PRKG1: variants seen among roughly 807,000 people sequenced by gnomAD.
PRKG1 encodes cGMP-dependent protein kinase 1.
PRKG1 carries 35 observed loss-of-function variants against 88.1 expected under a neutral mutation model. That is an observed-to-expected ratio of 0.40 (90% CI 0.30 to 0.53). The LOEUF is 0.53. Ranked by LOEUF, PRKG1 falls within the 20% of genes least tolerant of loss-of-function variation. The pLI, the probability that PRKG1 is intolerant of heterozygous loss-of-function variation, is 0.59. For synonymous variants in PRKG1, 303 were observed against 292.5 expected, an observed-to-expected ratio of 1.04 and a Z score of -0.37; for missense variants, 540 against 839.8, an observed-to-expected ratio of 0.64 and a Z score of 4.41.
chr10:51,337,639 A>G (rs1370196332), intron 2 of PRKG1, among the ~76,000 whole-genome samples: 2 of 152,190 alleles, frequency 1.3e-5, no homozygotes, highest in African/African-American at 4.8e-5. Flanking sequence ...GCCCACAAAC[A>G]TATGAAAAAA....
chr10:51,711,134 C>A lies in PRKG1; in HGVS notation c.593-93451C>A, dbSNP rs778020329. Among the ~76,000 whole-genome samples the A allele has an allele frequency of 3.0e-4, 45 of 152,050 alleles. 1 individual carries two copies. The highest frequency in any genetic ancestry group is 4.6e-4 in the Non-Finnish European group (31 of 68,016). On this transcript the variant is annotated intron_variant, in intron 3 of 17. Coordinates refer to ENST00000373980, the MANE Select transcript of PRKG1 (RefSeq NM_006258.4). ...TTTTTAATTTTTTTTGAGATGGAGTCTCGCTCTGTCACCCAGGCTGGAGTG... is the reference window on the plus strand; with the variant it reads ...TTTTTAATTTTTTTTGAGATGGAGTATCGCTCTGTCACCCAGGCTGGAGTG...
In PRKG1 at chr10:51,327,361, G is replaced by A. The variant is rs539409867; in HGVS notation, c.479-140362G>A. ...GAACTCGGGAGGCAGAGGTCTCAGT[G>A]AGCCAGGATCGCACCACTGTACTCC... On this transcript the variant is annotated intron_variant, in intron 2 of 17. Transcript: ENST00000373980. Among the ~76,000 whole-genome samples the A allele has an allele frequency of 8.0e-5, 12 of 150,300 alleles. No homozygotes were observed. In the East Asian group the frequency reaches 2.0e-3, roughly 24 times the overall value.
chr10:52,057,188 C>A lies in PRKG1; in HGVS notation c.840+2627C>A, dbSNP rs1188938341. 1.3e-5 allele frequency among the ~76,000 whole-genome samples: 2 copies of A among 152,198 alleles called. 1 individual carries two copies. Among genetic ancestry groups the A allele is most frequent in the South Asian group, 4.1e-4 (2 of 4,830 alleles). ...CTGCCAAGCTACAAATGAAATTCCC[C>A]TTGTTCAGTTCCACTTATTTAAGTG... On this transcript the variant is annotated intron_variant, in intron 6 of 17. Transcript: ENST00000373980.
intron 3 of PRKG1, among the ~76,000 whole-genome samples, chr10:51,480,759 A>T (rs541703646): frequency 6.6e-6 from 1 of 152,182 alleles, no homozygotes; most frequent in Non-Finnish European, 1.5e-5. Flanking sequence ...TATTGATAAT[A>T]TGGGAAGATT....
At chr10:52,285,146 A>G (rs1233101172) in intron 14 of PRKG1, among the ~76,000 whole-genome samples, 1 of 151,778 alleles carries the variant, frequency 6.6e-6, no homozygotes. Flanking sequence ...CCATGCATAC[A>G]CACCAACTCC....
At chr10:51,157,147 T>C (rs886947462) in intron 2 of PRKG1, among the ~76,000 whole-genome samples, 2 of 151,966 alleles carry the variant, frequency 1.3e-5, no homozygotes, top group African/African-American at 4.8e-5. Context: ...AATACTCATA[T>C]GGTAAGACTT....
chr10:51,804,865 T>G (rs1201579362), intron 4 of PRKG1, among the ~76,000 whole-genome samples, 175 bp downstream of exon 4: 1 of 152,048 alleles, frequency 6.6e-6, no homozygotes, highest in African/African-American at 2.4e-5. Flanking sequence ...TGGTGATAAA[T>G]CTGTAGAGAT....
At chr10:52,247,794 G>A (rs61849167) in intron 9 of PRKG1, among the ~76,000 whole-genome samples, 44 of 152,190 alleles carry the variant, frequency 2.9e-4, no homozygotes, top group African/African-American at 8.9e-4. Flanking sequence ...ATAATCTGCC[G>A]AGACCAGCTC....
chr10:51,612,210 A>G (rs1196034221), intron 3 of PRKG1, among the ~76,000 whole-genome samples: 1 of 152,058 alleles, frequency 6.6e-6, no homozygotes, highest in African/African-American at 2.4e-5. Flanking sequence ...ATTTCATTGA[A>G]TCTGCAGATT....
chr10:51,461,667 G>A (rs900036344), intron 2 of PRKG1, among the ~76,000 whole-genome samples: 1 of 152,142 alleles, frequency 6.6e-6, no homozygotes, highest in African/African-American at 2.4e-5. Flanking sequence ...CAACTGATAA[G>A]GCAAGGACAC....
chr10:51,241,242 C>T (rs80117721), intron 2 of PRKG1, among the ~76,000 whole-genome samples: 1 of 151,910 alleles, frequency 6.6e-6, no homozygotes, highest in South Asian at 2.1e-4. Context: ...AAGGCTCTAC[C>T]CCAAGACAAT....
intron 3 of PRKG1, among the ~76,000 whole-genome samples, chr10:51,748,050 G>C (rs1178530941): frequency 2.6e-5 from 4 of 152,162 alleles, no homozygotes; most frequent in Non-Finnish European, 4.4e-5. Context: ...CTTTCTACTA[G>C]TTCAAGTCCT....
intron 2 of PRKG1, among the ~76,000 whole-genome samples, chr10:51,159,693 A>G (rs755916149): frequency 2.0e-5 from 3 of 152,164 alleles, no homozygotes; most frequent in Non-Finnish European, 2.9e-5. Flanking sequence ...TGCTTCAGAA[A>G]GGACTTTAAT....
At chr10:51,467,663 T>C in intron 2 of PRKG1, 60 bp from the exon 3 acceptor site, 1 of 1,387,598 alleles carries the variant, frequency 7.2e-7, no homozygotes, top group Non-Finnish European at 1.0e-6. Flanking sequence ...ACATTAAAAA[T>C]GCAACAAATG....
chr10:52,056,751 G>T (rs915353666), intron 6 of PRKG1, among the ~76,000 whole-genome samples: 8 of 151,878 alleles, frequency 5.3e-5, no homozygotes, highest in Admixed American at 5.2e-4. Context: ...CATAATAATT[G>T]TATTAATTTT....
At chr10:51,336,460 T>C (rs1841879072) in intron 2 of PRKG1, among the ~76,000 whole-genome samples, 1 of 152,214 alleles carries the variant, frequency 6.6e-6, no homozygotes, top group Non-Finnish European at 1.5e-5. Context: ...TAGCTTGTAA[T>C]AGGACAGAGG....
At chr10:52,063,712 C>T (rs1280225291) in intron 7 of PRKG1, among the ~76,000 whole-genome samples, 2 of 152,122 alleles carry the variant, frequency 1.3e-5, no homozygotes, top group Non-Finnish European at 2.9e-5. Flanking sequence ...GCCAAGGTGT[C>T]CCAATGTGTG....
At position 51,556,034 on chromosome 10, in the gene PRKG1, G is replaced by A. The variant is rs538808162; in HGVS notation, c.592+88198G>A. The stretch of plus-strand genomic sequence containing the variant: ...AAAGAGGAAAGAAGGTAAGCTGTAA[G>A]GAATAGAGGGAGAGAACAAGGGAGG... On this transcript the variant is annotated intron_variant, in intron 3 of 17. Transcript: ENST00000373980. Among the ~76,000 whole-genome samples, 137 of 152,056 alleles carry A rather than the reference G, an allele frequency of 9.0e-4. 5 individuals are homozygous for A. In the South Asian group the frequency reaches 0.028, roughly 31 times the overall value.
chr10:51,416,596 G>A (rs906418665), intron 2 of PRKG1, among the ~76,000 whole-genome samples: 1 of 152,154 alleles, frequency 6.6e-6, no homozygotes, highest in Non-Finnish European at 1.5e-5. Context: ...TACTTTATAG[G>A]ATTGTTACAA....
Sources: allele counts gnomAD v4.1 joint callset (sites outside exome capture counted in the v4.1 genomes callset), GRCh38; gene constraint gnomAD v4.1.1; transcripts MANE v1.5; gene names NCBI Gene and HGNC (gene_info 2026-07-23, HGNC 2026-07-21).